SPTBN1: variants seen among roughly 807,000 people sequenced by gnomAD.
The protein encoded by SPTBN1 is spectrin beta, non-erythrocytic 1, also known as spectrin beta chain, non-erythrocytic 1.
SPTBN1 carries 32 observed loss-of-function variants against 266.4 expected under a neutral mutation model. That is an observed-to-expected ratio of 0.12 (90% CI 0.09 to 0.16). The LOEUF is 0.16. Among genes scored for constraint, SPTBN1 ranks in the 10% least tolerant of loss-of-function variants. The probability of loss-of-function intolerance (pLI) is 1.00; values close to 1 mark genes in which losing one functional copy is unlikely to be tolerated. For synonymous variants in SPTBN1, 1,336 were observed against 1,162.2 expected, an observed-to-expected ratio of 1.15 and a Z score of -3.04; for missense variants, 2,296 against 3,067.1, an observed-to-expected ratio of 0.75 and a Z score of 5.94.
intron 18 of SPTBN1, among the ~76,000 whole-genome samples, chr2:54,638,634 T>G (rs907337987): frequency 6.6e-6 from 1 of 152,250 alleles, no homozygotes; most frequent in African/African-American, 2.4e-5. Context: ...TCTAGCTGAT[T>G]TCACGTGTGA....
At chr2:54,553,003 T>C (rs1438012544) in intron 2 of SPTBN1, among the ~76,000 whole-genome samples, 5 of 152,226 alleles carry the variant, frequency 3.3e-5, no homozygotes, top group African/African-American at 4.8e-5. Context: ...CAGGTAGCAA[T>C]GGCATAGAAA....
intron 1 of SPTBN1, among the ~76,000 whole-genome samples, chr2:54,514,560 T>C (rs1242046606): frequency 3.3e-5 from 5 of 152,222 alleles, no homozygotes; most frequent in Admixed American, 6.5e-5. Flanking sequence ...AGGAAGAAGA[T>C]GGCTAAATCT....
intron 2 of SPTBN1, among the ~76,000 whole-genome samples, chr2:54,566,421 C>T (rs762583736): frequency 1.4e-3 from 208 of 152,148 alleles, no homozygotes; most frequent in Non-Finnish European, 2.3e-3. Context: ...CTCCTGACCT[C>T]AGGTGATCCA....
rs148813011 is a variant in SPTBN1, at chr2:54,629,447, C to T, written c.2313C>T (p.Asp771=). The change falls in exon 14 of 36, where the codon GAC becomes GAT. Residue 771 remains aspartate (D), a synonymous_variant. Transcript: ENST00000356805. Reference sequence around the variant, plus strand: ...TCCTCAAGATTGTCTCCAGCAGCGACGTGGGCCACGATGAGTATTCCACAC... The same window carrying T: ...TCCTCAAGATTGTCTCCAGCAGCGATGTGGGCCACGATGAGTATTCCACAC... The part of the protein sequence containing the change: ...LDILKIVSSS[D]VGHDEYSTQS... 2.2e-5 allele frequency: 36 copies of T among 1,614,034 alleles called. No individual in the cohort carries two copies. The highest frequency in any genetic ancestry group is 2.7e-5 in the Non-Finnish European group (32 of 1,180,056).
At chr2:54,537,561 T>TGGAG (rs2104383481) in intron 2 of SPTBN1, among the ~76,000 whole-genome samples, 1 of 152,246 alleles carries the variant, frequency 6.6e-6, no homozygotes, top group East Asian at 1.9e-4. Context: ...TGTGGTGGGG[T>TGGAG]GGAGGAAGGC....
intron 1 of SPTBN1, among the ~76,000 whole-genome samples, chr2:54,487,139 A>G (rs1182210267): frequency 3.7e-5 from 5 of 134,514 alleles, no homozygotes; most frequent in Admixed American, 3.6e-4. Context: ...TTGTTTTTCT[A>G]TAGCTTTTTC....
chr2:54,602,447 C>T (rs1676560410), intron 3 of SPTBN1, among the ~76,000 whole-genome samples: 1 of 152,224 alleles, frequency 6.6e-6, no homozygotes, highest in Non-Finnish European at 1.5e-5. Flanking sequence ...TCATAATCCA[C>T]TTTAGATGCT....
chr2:54,476,229 C>T (rs569029504), intron 1 of SPTBN1, among the ~76,000 whole-genome samples: 22 of 152,162 alleles, frequency 1.4e-4, no homozygotes, highest in African/African-American at 5.3e-4. Context: ...GGGCTAGATG[C>T]AGGCCATTGA....
chr2:54,506,587 T>C (rs1359636146), intron 1 of SPTBN1, among the ~76,000 whole-genome samples: 1 of 151,036 alleles, frequency 6.6e-6, no homozygotes, highest in Non-Finnish European at 1.5e-5. Flanking sequence ...GCTGAGAAAA[T>C]TTTAAGTATA....
intron 17 of SPTBN1, among the ~76,000 whole-genome samples, chr2:54,636,472 G>T (rs977309039): frequency 6.6e-6 from 1 of 152,146 alleles, no homozygotes; most frequent in African/African-American, 2.4e-5. Flanking sequence ...GATTCTCCAG[G>T]CAGACAATGG....
intron 3 of SPTBN1, among the ~76,000 whole-genome samples, chr2:54,600,371 G>C (rs1288304488): frequency 6.6e-6 from 1 of 152,188 alleles, no homozygotes; most frequent in African/African-American, 2.4e-5. Flanking sequence ...CATGCCCTTT[G>C]TTCCTGAGCA....
At chr2:54,595,148 T>G (rs1431713472) in intron 2 of SPTBN1, among the ~76,000 whole-genome samples, 2 of 152,204 alleles carry the variant, frequency 1.3e-5, no homozygotes, top group Non-Finnish European at 2.9e-5. Flanking sequence ...TTAAATGATT[T>G]GAATTAGTGA....
At chr2:54,643,557 A>T (rs556912566) in intron 19 of SPTBN1, among the ~76,000 whole-genome samples, 23 of 152,324 alleles carry the variant, frequency 1.5e-4, no homozygotes, top group African/African-American at 4.8e-4. Flanking sequence ...GCGCTATAAT[A>T]ATTACTATGA....
At chr2:54,458,516 A>G (rs1238617021) in intron 1 of SPTBN1, among the ~76,000 whole-genome samples, 1 of 152,200 alleles carries the variant, frequency 6.6e-6, no homozygotes, top group Non-Finnish European at 1.5e-5. Context: ...TATGACAGTA[A>G]CACTGCGTTT....
chr2:54,581,577 C>CTTTTTTTT (rs70944181), intron 2 of SPTBN1, among the ~76,000 whole-genome samples: 15 of 102,658 alleles, frequency 1.5e-4, no homozygotes, highest in African/African-American at 3.7e-4. Flanking sequence ...TTTCTTTGCC[C>CTTTTTTTT]TTTTTTTTTT....
chr2:54,659,921 C>G lies in SPTBN1; in HGVS notation c.6357-15C>G. ...TCTTCCTTTCCCTTCCTCCTTTTCC[C>G]CTCTTCCCTAACAGGGATACTTCAA... On this transcript the variant is annotated splice_polypyrimidine_tract_variant and intron_variant, in intron 31 of 35. Transcript: ENST00000356805. The G allele has an allele frequency of 6.2e-7, 1 of 1,611,802 alleles. No homozygotes were observed. Among genetic ancestry groups the G allele is most frequent in the Non-Finnish European group, 8.5e-7 (1 of 1,178,456 alleles).
intron 2 of SPTBN1, among the ~76,000 whole-genome samples, chr2:54,576,635 C>T (rs989145366): frequency 5.9e-5 from 9 of 152,140 alleles, no homozygotes; most frequent in Non-Finnish European, 1.2e-4. Context: ...AGAATAAGTG[C>T]CGTGGAAGAA....
rs201619709 is a variant in SPTBN1 at position 54,557,969 on chromosome 2, T to C, written c.148+31403T>C. ...GCGCGCGCCCAGGTGCGGGCCGCGT[T>C]ACCTCAGCAGACGCTAGAGAGTGAA... On this transcript the variant is annotated intron_variant, in intron 2 of 35. Transcript: ENST00000356805. 7.5e-5 allele frequency: 74 copies of C among 983,030 alleles called. No individual in the cohort carries two copies. The East Asian group carries it at 7.3e-3, about 97-fold the overall frequency. 60.9% of individuals were successfully genotyped at this position (983,030 alleles called of 1,614,324 possible).
intron 1 of SPTBN1, among the ~76,000 whole-genome samples, chr2:54,485,169 C>CCTCCGTCTCCCT (rs940917011): frequency 3.4e-4 from 51 of 151,762 alleles, no homozygotes; most frequent in Admixed American, 2.1e-3. Flanking sequence ...TCTCCCTCTC[C>CCTCCGTCTCCCT]CTCCGTCTCC....
Sources: allele counts gnomAD v4.1 joint callset (sites outside exome capture counted in the v4.1 genomes callset), GRCh38; gene constraint gnomAD v4.1.1; transcripts MANE v1.5; gene names NCBI Gene and HGNC (gene_info 2026-07-23, HGNC 2026-07-21).